MARCHF11: variants seen among roughly 807,000 people sequenced by gnomAD.
MARCHF11 encodes E3 ubiquitin-protein ligase MARCHF11.
In MARCHF11, 29 loss-of-function variants were observed where a neutral mutation model predicts 37.3. The observed-to-expected ratio is 0.78, with a 90% confidence interval of 0.58 to 1.06. The LOEUF is 1.06. MARCHF11 is among the 50% of genes least tolerant of loss of function. The pLI, the probability that MARCHF11 is intolerant of heterozygous loss-of-function variation, is 0.00. For missense variants in MARCHF11, 482 were observed against 533.4 expected, an observed-to-expected ratio of 0.90 and a Z score of 0.95; for synonymous variants, 233 against 228.0, an observed-to-expected ratio of 1.02 and a Z score of -0.20.
At position 16,147,355 on chromosome 5, in the gene MARCHF11, C is replaced by T. The variant is rs36012899; in HGVS notation, c.693+30371G>A. On this transcript the variant is annotated intron_variant, in intron 2 of 3. Coordinates refer to ENST00000332432, the MANE Select transcript of MARCHF11 (RefSeq NM_001102562.3). ...CATTTAATCTCCCAAAACCCCGTGA[C>T]GCAGTTACTACTATTATTATCTCCA... Among the ~76,000 whole-genome samples, 1,483 of 152,226 alleles carry T rather than the reference C, an allele frequency of 9.7e-3. 13 individuals are homozygous for T. Among genetic ancestry groups the T allele is most frequent in the Middle Eastern group, 0.031 (9 of 294 alleles).
At position 16,091,038 on chromosome 5, in the gene MARCHF11, A is replaced by G. The variant is rs369247023; in HGVS notation, c.737T>C (p.Ile246Thr). 21 of 1,605,540 alleles carry G rather than the reference A, an allele frequency of 1.3e-5. No homozygotes were observed. The highest frequency in any genetic ancestry group is 1.8e-5 in the Non-Finnish European group (21 of 1,175,652). Reference protein sequence around the residue: ...SITLVEKVQMIAVILGSLFLI... With the variant: ...SITLVEKVQMTAVILGSLFLI... ...GAACAGGGATCCTAGGATTACAGCA[A>G]TCATCTGAACTTTCTCAACCAGTGT... is the stretch of plus-strand genomic sequence containing the variant. Residue 246 changes from isoleucine to threonine, a missense_variant, in exon 3 of 4, where the codon ATT (isoleucine) becomes ACT (threonine). By Grantham distance (89) the Ile-to-Thr change is moderately conservative (BLOSUM62 -1). Transcript: ENST00000332432.
At chr5:16,071,912 T>C (rs1461094175) in intron 3 of MARCHF11, among the ~76,000 whole-genome samples, 1 of 152,194 alleles carries the variant, frequency 6.6e-6, no homozygotes. Context: ...CATTTAATCT[T>C]GACTGCAACT....
chr5:16,078,075 G>A (rs767451408), intron 3 of MARCHF11, among the ~76,000 whole-genome samples: 16 of 152,138 alleles, frequency 1.1e-4, no homozygotes, highest in Admixed American at 4.6e-4. Context: ...AAAACATTTC[G>A]TAAGTTCTTC....
intron 2 of MARCHF11, among the ~76,000 whole-genome samples, chr5:16,173,874 G>T (rs1738312549): frequency 6.6e-6 from 1 of 152,182 alleles, no homozygotes; most frequent in South Asian, 2.1e-4. Flanking sequence ...GTATAAGACA[G>T]GTAGCATTGT....
At chr5:16,074,687 G>A (rs963596482) in intron 3 of MARCHF11, among the ~76,000 whole-genome samples, 24 of 152,080 alleles carry the variant, frequency 1.6e-4, no homozygotes, top group Admixed American at 2.6e-4. Flanking sequence ...AAAATCCTCC[G>A]TGCAAGAAAC....
chr5:16,097,067 G>A (rs1736880827), intron 2 of MARCHF11, among the ~76,000 whole-genome samples: 1 of 152,108 alleles, frequency 6.6e-6, no homozygotes, highest in African/African-American at 2.4e-5. Flanking sequence ...ATGACAGGTG[G>A]GATCACTCAA....
chr5:16,099,578 GA>G (rs1250435918), intron 2 of MARCHF11, among the ~76,000 whole-genome samples: 64 of 143,978 alleles, frequency 4.4e-4, no homozygotes, highest in Admixed American at 6.9e-4. Flanking sequence ...AATAGTAACA[GA>G]AAAAAAAAAG....
chr5:16,150,684 C>T (rs1737875184), intron 2 of MARCHF11, among the ~76,000 whole-genome samples: 1 of 152,022 alleles, frequency 6.6e-6, no homozygotes, highest in Non-Finnish European at 1.5e-5. Flanking sequence ...ATCCCATGCC[C>T]TCCACCTCTA....
chr5:16,120,176 G>A (rs1737288753), intron 2 of MARCHF11, among the ~76,000 whole-genome samples: 1 of 152,214 alleles, frequency 6.6e-6, no homozygotes, highest in Admixed American at 6.5e-5. Context: ...TAACAAATAT[G>A]TACTGGATAT....
intron 2 of MARCHF11, chr5:16,129,173 C>G (rs1737471605): frequency 6.6e-6 from 1 of 152,184 alleles, no homozygotes; most frequent in Admixed American, 6.5e-5. Flanking sequence ...ATGCCATTTG[C>G]ATGAAACTGA....
chr5:16,168,684 G>T (rs79341143), intron 2 of MARCHF11, among the ~76,000 whole-genome samples: 1 of 152,028 alleles, frequency 6.6e-6, no homozygotes, highest in African/African-American at 2.4e-5. Flanking sequence ...GGGGCTGGAG[G>T]TCTCACTGGA....
chr5:16,119,256 G>A (rs1186586886), intron 2 of MARCHF11, among the ~76,000 whole-genome samples: 3 of 152,002 alleles, frequency 2.0e-5, no homozygotes, highest in Non-Finnish European at 2.9e-5. Flanking sequence ...GCACCTGCTC[G>A]GGAGGCTGAG....
chr5:16,161,521 C>T (rs1479152395), intron 2 of MARCHF11, among the ~76,000 whole-genome samples: 4 of 151,888 alleles, frequency 2.6e-5, no homozygotes, highest in African/African-American at 9.7e-5. Context: ...TAAGCTCAAA[C>T]AAAATGTCTC....
intron 2 of MARCHF11, among the ~76,000 whole-genome samples, chr5:16,105,357 TTAACA>T (rs1327161494): frequency 6.6e-6 from 1 of 152,226 alleles, no homozygotes; most frequent in Non-Finnish European, 1.5e-5. Flanking sequence ...GAATAATATT[TTAACA>T]TAACAAACAA....
chr5:16,088,467 C>A (rs1351627978), intron 3 of MARCHF11, among the ~76,000 whole-genome samples: 1 of 152,170 alleles, frequency 6.6e-6, no homozygotes, highest in African/African-American at 2.4e-5. Context: ...CTAACACTGC[C>A]TCTAAATCTT....
chr5:16,132,783 A>G (rs1337200688), intron 2 of MARCHF11, among the ~76,000 whole-genome samples: 2 of 152,216 alleles, frequency 1.3e-5, no homozygotes, highest in East Asian at 1.9e-4. Flanking sequence ...AATAACATGG[A>G]GAGAAAACTC....
At chr5:16,156,262 T>C (rs1032044065) in intron 2 of MARCHF11, among the ~76,000 whole-genome samples, 1 of 151,914 alleles carries the variant, frequency 6.6e-6, no homozygotes, top group African/African-American at 2.4e-5. Context: ...TCTGATGTGA[T>C]ACAAGAAATG....
intron 2 of MARCHF11, among the ~76,000 whole-genome samples, chr5:16,099,240 G>C (rs898253621): frequency 6.6e-6 from 1 of 152,074 alleles, no homozygotes; most frequent in Non-Finnish European, 1.5e-5. Flanking sequence ...TATGAATTTG[G>C]GTTATGACAA....
intron 2 of MARCHF11, among the ~76,000 whole-genome samples, chr5:16,097,787 T>G (rs1354169927): frequency 6.6e-6 from 1 of 152,218 alleles, no homozygotes; most frequent in Non-Finnish European, 1.5e-5. Flanking sequence ...CAATCTGACA[T>G]AGTCTGTCTC....
Sources: allele counts gnomAD v4.1 joint callset (sites outside exome capture counted in the v4.1 genomes callset), GRCh38; gene constraint gnomAD v4.1.1; transcripts MANE v1.5; gene names NCBI Gene and HGNC (gene_info 2026-07-23, HGNC 2026-07-21).